FLNA: variants seen among roughly 807,000 people sequenced by gnomAD.
FLNA encodes filamin-A.
In FLNA, 7 loss-of-function variants were observed where a neutral mutation model predicts 157.6. The ratio of observed to expected loss-of-function variants is 0.04; its 90% CI spans 0.03 to 0.08. The LOEUF (loss-of-function observed/expected upper bound fraction) is 0.08, where lower values mean the gene tolerates loss of function less well. Among genes scored for constraint, FLNA ranks in the 10% least tolerant of loss-of-function variants. FLNA has a pLI of 1.00. For synonymous variants in FLNA, 1,103 were observed against 1,060.8 expected, an observed-to-expected ratio of 1.04 and a Z score of -0.77; for missense variants, 1,750 against 2,398.4, an observed-to-expected ratio of 0.73 and a Z score of 5.65.
Position 154,364,826 on chromosome X carries a change from G to C in FLNA, c.1823C>G (p.Thr608Arg). Residue 608 changes from threonine to arginine, a missense_variant, in exon 12 of 48, where the codon ACG (threonine) becomes AGG (arginine). Coordinates refer to ENST00000369850, the MANE Select transcript of FLNA (RefSeq NM_001110556.2). ...TGCTGCAGCCTCCAACTTACCCAGCGTGCCCACGTCGTCCCCGATAGCCTC... is the reference window on the plus strand; with the variant it reads ...TGCTGCAGCCTCCAACTTACCCAGCCTGCCCACGTCGTCCCCGATAGCCTC... ...VVEAIGDDVGTLGFSVEGPSQ... is the reference protein window; with the variant it reads ...VVEAIGDDVGRLGFSVEGPSQ... 1 of 1,211,110 alleles carries C rather than the reference G, an allele frequency of 8.3e-7. No individual in the cohort carries two copies. The highest frequency in any genetic ancestry group is 2.2e-5 in the Admixed American group (1 of 46,037).
chrX:154,364,878 C>T lies in FLNA; in HGVS notation c.1771G>A (p.Val591Ile), dbSNP rs200673062. 2.0e-5 allele frequency: 24 copies of T among 1,210,153 alleles called. No individual in the cohort carries two copies. The highest frequency in any genetic ancestry group is 1.4e-4 in the African/African-American group (8 of 57,397). ...ACCACAAAGTCTGCTGACTTGCCAA[C>T]GACGCCGCCCTCCAGCCCAGGGCCC... is the stretch of plus-strand genomic sequence containing the variant. ...AWGPGLEGGVVGKSADFVVEA... is the reference protein window; with the variant it reads ...AWGPGLEGGVIGKSADFVVEA... The change falls in exon 12 of 48, where the codon GTT becomes ATT. Residue 591 changes from valine (V) to isoleucine (I), a missense_variant. Physicochemically the swap from Val to Ile is conservative, Grantham distance 29. Transcript: ENST00000369850.
intron 30 of FLNA, among the ~76,000 whole-genome samples, chrX:154,356,264 G>A (rs1039905435): frequency 1.8e-5 from 2 of 111,890 alleles, no homozygotes; most frequent in African/African-American, 6.5e-5. Flanking sequence ...CCCCGTGGCC[G>A]TCAAGCTTGC....
intron 2 of FLNA, 111 bp from the exon 3 acceptor site, chrX:154,368,201 T>C (rs377095988): frequency 2.8e-6 from 3 of 1,055,593 alleles, no homozygotes; most frequent in South Asian, 3.8e-5. Flanking sequence ...AAGGAGGAGG[T>C]AGACACCCCC....
rs1557178147 is a variant in FLNA, at chrX:154,362,060, G to C, written c.2745C>G (p.Thr915=). Residue 915 remains threonine, a synonymous_variant, in exon 19 of 48, where the codon ACC becomes ACG. Transcript: ENST00000369850. ...GKLDVQFSGL[T]KGDAVRDVDI... is the part of the protein sequence containing the mutation. ...CCACATCTCGCACTGCATCCCCCTT[G>C]GTGAGTCCTGAGAACTGGACGTCCA... 8.3e-7 allele frequency: 1 copy of C among 1,208,722 alleles called. No homozygotes were observed. Among genetic ancestry groups the C allele is most frequent in the Non-Finnish European group, 1.1e-6 (1 of 894,198 alleles).
rs2067624371 is a variant in FLNA, at chrX:154,352,098, A to G, written c.6770-77T>C. ...CCCTCCAGGCATAGCCAAGGTAGAC[A>G]TGCCTGCCGGCTCTTTCCTCCACCC... On this transcript the variant is annotated intron_variant, in intron 41 of 47. Transcript: ENST00000369850. 3 of 1,207,782 alleles carry G rather than the reference A, an allele frequency of 2.5e-6. No individual in the cohort carries two copies. In the African/African-American group the frequency reaches 5.2e-5, roughly 21 times the overall value.
chrX:154,352,255 G>A lies in FLNA; in HGVS notation c.6695C>T (p.Pro2232Leu). The change falls in exon 41 of 48, where the codon CCC (proline) becomes CTC (leucine). Residue 2232 changes from proline to leucine, a missense_variant. This residue lies in a region of FLNA where 970 missense variants were observed against 1,302.6 expected (regional missense o/e 0.74). Coordinates refer to ENST00000369850, the MANE Select transcript of FLNA (RefSeq NM_001110556.2). ...PGSPFQFTVGPLGEGGAHKVR... is the reference protein window; with the variant it reads ...PGSPFQFTVGLLGEGGAHKVR... ...CTTGTGGGCTCCCCCTTCCCCTAGG[G>A]GCCCCACGGTGAACTGGAAGGGGCT... The A allele has an allele frequency of 8.3e-7, 1 of 1,211,630 alleles. No individual in the cohort carries two copies. The highest frequency in any genetic ancestry group is 1.1e-6 in the Non-Finnish European group (1 of 895,484).
At chrX:154,355,953 G>A (rs2067659436) in intron 30 of FLNA, among the ~76,000 whole-genome samples, 1 of 112,777 alleles carries the variant, frequency 8.9e-6, no homozygotes, top group Non-Finnish European at 1.9e-5. Flanking sequence ...CTACTTGAAG[G>A]CCAAGCTCGA....
At chrX:154,370,434 C>T (rs1393889125) in intron 2 of FLNA, among the ~76,000 whole-genome samples, 1 of 112,388 alleles carries the variant, frequency 8.9e-6, no homozygotes, top group Non-Finnish European at 1.9e-5. Context: ...GCACGAGCTC[C>T]AACCCACACT....
intron 23 of FLNA, 36 bp downstream of exon 23, chrX:154,359,696 C>G (rs1557177574): frequency 1.7e-6 from 2 of 1,209,215 alleles, no homozygotes; most frequent in Non-Finnish European, 2.2e-6. Flanking sequence ...CCCCACCCAC[C>G]CCGTCTGCCA....
chrX:154,369,658 A>C (rs974820833), intron 2 of FLNA, among the ~76,000 whole-genome samples: 1 of 111,321 alleles, frequency 9.0e-6, no homozygotes, highest in Non-Finnish European at 1.9e-5. Context: ...GGGAGGAGGG[A>C]GGAGACCCCC....
At chrX:154,351,838 C>T (rs782021680) in intron 42 of FLNA, 46 bp downstream of exon 42, 1 of 1,203,211 alleles carries the variant, frequency 8.3e-7, no homozygotes, top group Non-Finnish European at 1.1e-6. Context: ...GTCCAATACC[C>T]ACACTCAGGC....
intron 1 of FLNA, among the ~76,000 whole-genome samples, chrX:154,372,729 T>G (rs1245398451): frequency 1.7e-5 from 1 of 57,431 alleles, no homozygotes; most frequent in Non-Finnish European, 3.1e-5. Flanking sequence ...CCTCTGAGTG[T>G]TTTTTTTTTT....
intron 1 of FLNA, among the ~76,000 whole-genome samples, chrX:154,372,052 T>C (rs986809764): frequency 1.8e-5 from 2 of 113,580 alleles, no homozygotes; most frequent in African/African-American, 6.4e-5. Flanking sequence ...CGCGCACCTG[T>C]GCCCGCTGCT....
Position 154,349,350 on chromosome X carries a change from C to A in FLNA, c.7756+12G>T. The A allele has an allele frequency of 8.3e-7, 1 of 1,206,980 alleles. No individual in the cohort carries two copies. The highest frequency in any genetic ancestry group is 1.1e-6 in the Non-Finnish European group (1 of 891,285). ...TTGGTGGGAAGGTGGGCCGGGGGCC[C>A]AGGTTGCCCACCTGCTTTGCTGCAG... is the stretch of plus-strand genomic sequence containing the variant. On this transcript the variant is annotated intron_variant, in intron 47 of 47. Transcript: ENST00000369850.
rs375821223 is a variant in FLNA, at chrX:154,366,583, G to A, written c.1044C>T (p.Pro348=). ...KNRTFSVWYV[P]EVTGTHKVTV... ...TCACCTTATGAGTCCCCGTCACCTC[G>A]GGGACGTACCAGACGGAGAAGGTGC... The change falls in exon 7 of 48, where the codon CCC becomes CCT. Residue 348 remains proline, a synonymous_variant. Transcript: ENST00000369850. 233 of 1,210,570 alleles carry A rather than the reference G, an allele frequency of 1.9e-4. No homozygotes were observed. The highest frequency in any genetic ancestry group is 1.1e-3 in the African/African-American group (61 of 57,486).
intron 21 of FLNA, among the ~76,000 whole-genome samples, chrX:154,361,022 G>C (rs1557177880): frequency 1.3e-5 from 1 of 74,490 alleles, no homozygotes; most frequent in Non-Finnish European, 2.4e-5. Context: ...ACTCCAGCCT[G>C]GGCGACAGAG....
chrX:154,353,809 G>T (rs1222333304), intron 35 of FLNA, 82 bp from the exon 36 acceptor site: 1 of 1,189,249 alleles, frequency 8.4e-7, no homozygotes, highest in East Asian at 3.0e-5. Context: ...GATGGCCAGG[G>T]CAGCAGGGCA....
chrX:154,354,908 A>G lies in FLNA; in HGVS notation c.5134T>C (p.Tyr1712His), dbSNP rs782311904. The G allele has an allele frequency of 6.6e-6, 8 of 1,212,121 alleles. No individual in the cohort carries two copies. The highest frequency in any genetic ancestry group is 8.9e-6 in the Non-Finnish European group (8 of 895,611). ...TATTTGCCCGGCTGGGGGGCCGTGT[A>G]GAAGATGTCGAAAGTGCCGTCCTCA... ...ENEDGTFDIF[Y>H]TAPQPGKYVI... The change falls in exon 31 of 48, where the codon TAC becomes CAC. Residue 1712 changes from tyrosine to histidine, a missense_variant. Transcript: ENST00000369850.
Position 154,366,652 on chromosome X carries a change from G to A in FLNA, c.988-13C>T, listed in dbSNP as rs1417626726. On this transcript the variant is annotated splice_polypyrimidine_tract_variant and intron_variant, in intron 6 of 47. Transcript: ENST00000369850. ...CGGTCACTTTTGCCTGCAGTGGGAA[G>A]GAGCCTGTGAGCCTTTGCTAAGAGC... 2 of 1,210,143 alleles carry A rather than the reference G, an allele frequency of 1.7e-6. No homozygotes were observed. Among genetic ancestry groups the A allele is most frequent in the East Asian group, 5.9e-5 (2 of 33,868 alleles).
Sources: gnomAD v4.1 joint callset for allele counts (sites outside exome capture counted in the v4.1 genomes callset) on GRCh38, gnomAD v4.1.1 for gene constraint, gnomAD v4.1.1 regional missense constraint, MANE v1.5 for transcripts, NCBI Gene and HGNC (gene_info 2026-07-23, HGNC 2026-07-21) for gene names.